The following DZIP1L variants were observed in gnomAD, a reference collection of about 807,000 sequenced individuals.
DZIP1L encodes cilium assembly protein DZIP1L.
DZIP1L carries 90 observed loss-of-function variants against 88.7 expected under a neutral mutation model. That is an observed-to-expected ratio of 1.02 (90% confidence interval 0.86 to 1.21). The LOEUF is 1.21. DZIP1L is among the 50% of genes most tolerant of loss of function. DZIP1L has a pLI of 0.00. For synonymous variants in DZIP1L, 363 were observed against 372.1 expected, an observed-to-expected ratio of 0.98 and a Z score of 0.28; for missense variants, 932 against 955.8, an observed-to-expected ratio of 0.98 and a Z score of 0.33.
At chr3:138,105,793 GA>G (rs2107857119) in intron 1 of DZIP1L, among the ~76,000 whole-genome samples, 1 of 151,956 alleles carries the variant, frequency 6.6e-6, no homozygotes, top group South Asian at 2.1e-4. Context: ...GTTTTATAAT[GA>G]ATAAAATATG....
intron 1 of DZIP1L, among the ~76,000 whole-genome samples, chr3:138,106,896 G>C (rs2107863180): frequency 6.6e-6 from 1 of 151,510 alleles, no homozygotes; most frequent in Non-Finnish European, 1.5e-5. Flanking sequence ...AAGAGAGAGA[G>C]AGAAGGGCCT....
intron 2 of DZIP1L, 150 bp from the exon 3 acceptor site, chr3:138,097,997 G>T: frequency 1.6e-6 from 1 of 644,860 alleles, no homozygotes; most frequent in Non-Finnish European, 2.7e-6. Context: ...AATGATGTCA[G>T]CCCATGCTGC....
chr3:138,108,135 C>T, intron 1 of DZIP1L: 1 of 945,750 alleles, frequency 1.1e-6, no homozygotes, highest in East Asian at 1.2e-4. Context: ...AGGTGCCCGC[C>T]ACCATGCCTG....
Position 138,082,697 on chromosome 3 carries a change from C to T in DZIP1L, c.1204-933G>A, listed in dbSNP as rs555270605. Among the ~76,000 whole-genome samples the T allele has an allele frequency of 5.3e-5, 8 of 152,356 alleles. No individual in the cohort carries two copies. In the East Asian group the frequency reaches 1.5e-3, roughly 29 times the overall value. On this transcript the variant is annotated intron_variant, in intron 8 of 15. Coordinates refer to ENST00000327532, the MANE Select transcript of DZIP1L (RefSeq NM_173543.3). ...TGGCACATGCTGACATATGACTCAT[C>T]CAGTATCCATTCCCCACTGCTGTCT...
chr3:138,064,738 G>A lies in DZIP1L; in HGVS notation c.2032C>T (p.Leu678=), dbSNP rs148421355. 5.0e-6 allele frequency: 8 copies of A among 1,599,638 alleles called. No homozygotes were observed. Among genetic ancestry groups the A allele is most frequent in the Non-Finnish European group, 6.8e-6 (8 of 1,174,452 alleles). The change falls in exon 15 of 16, where the codon CTG becomes TTG. Residue 678 remains leucine (L), a synonymous_variant. Transcript: ENST00000327532. The part of the protein sequence containing the change: ...GTLVQSMVKN[L]EKQLEAPAKK... ...GCTGGAGCTTCTAGCTGCTTCTCCAGGTTTTTGACCATCGACTGCACCAGT... is the reference window on the plus strand; with the variant it reads ...GCTGGAGCTTCTAGCTGCTTCTCCAAGTTTTTGACCATCGACTGCACCAGT...
At chr3:138,083,761 T>C (rs1943783342) in intron 8 of DZIP1L, among the ~76,000 whole-genome samples, 1 of 152,212 alleles carries the variant, frequency 6.6e-6, no homozygotes, top group African/African-American at 2.4e-5. Flanking sequence ...TATTTCACCA[T>C]CTGTCGAATG....
At chr3:138,101,935 TCTGGCCTTTGAG>T in intron 2 of DZIP1L, 1 of 1,499,926 alleles carries the variant, frequency 6.7e-7, no homozygotes, top group Non-Finnish European at 9.3e-7. Context: ...TGCGATGCCC[TCTGGCCTTTGAG>T]GCCCTCAATC....
chr3:138,090,675 C>A (rs981809609), intron 5 of DZIP1L, among the ~76,000 whole-genome samples: 2 of 152,012 alleles, frequency 1.3e-5, no homozygotes, highest in Non-Finnish European at 2.9e-5. Flanking sequence ...AGGCATATGA[C>A]AATTTCCTTT....
chr3:138,087,996 CT>C (rs1442351289), intron 6 of DZIP1L, among the ~76,000 whole-genome samples: 1 of 152,156 alleles, frequency 6.6e-6, no homozygotes, highest in African/African-American at 2.4e-5. Context: ...CAAATTAAAG[CT>C]TTTTTAATTC....
chr3:138,085,786 T>G (rs1172229706), intron 7 of DZIP1L, among the ~76,000 whole-genome samples: 1 of 152,218 alleles, frequency 6.6e-6, no homozygotes, highest in Non-Finnish European at 1.5e-5. Flanking sequence ...TAAATCATGC[T>G]GCTATAAAGA....
intron 5 of DZIP1L, among the ~76,000 whole-genome samples, chr3:138,089,582 T>G (rs749546254): frequency 6.0e-4 from 91 of 152,280 alleles, no homozygotes; most frequent in Non-Finnish European, 1.1e-3. Flanking sequence ...CTTCCTAACA[T>G]CAGGAAGAAT....
Position 138,094,989 on chromosome 3 carries a change from G to A in DZIP1L, c.587-6C>T. 6.2e-7 allele frequency: 1 copy of A among 1,614,150 alleles called. No homozygotes were observed. On this transcript the variant is annotated splice_region_variant and splice_polypyrimidine_tract_variant and intron_variant, in intron 3 of 15. Transcript: ENST00000327532. ...TTCCTGTTTCTTCTGTTTTCCTGTG[G>A]GGTCCACGCAAAGACAGGTGACCAG...
At chr3:138,066,553 A>G (rs887876006) in intron 14 of DZIP1L, among the ~76,000 whole-genome samples, 1 of 152,112 alleles carries the variant, frequency 6.6e-6, no homozygotes, top group Non-Finnish European at 1.5e-5. Context: ...CATAATGTCT[A>G]TGAGGCTTAG....
rs1319671983 is a variant in DZIP1L at position 138,068,149 on chromosome 3, A to T, written c.1832+2T>A. ...GGTGAGAGGGCAGAGTCTGGGGCTC[A>T]CCTCATCCCGGGCCCCGAGGAAGGA... On this transcript the variant is annotated splice_donor_variant, in intron 13 of 15. Coordinates refer to ENST00000327532, the MANE Select transcript of DZIP1L (RefSeq NM_173543.3). LOFTEE classifies it high-confidence loss of function. The T allele has an allele frequency of 6.7e-7, 1 of 1,497,426 alleles. No homozygotes were observed. The highest frequency in any genetic ancestry group is 2.2e-5 in the Admixed American group (1 of 45,838). 92.8% of individuals were successfully genotyped at this position (1,497,426 alleles called of 1,614,324 possible).
chr3:138,111,812 T>C (rs1237900386), intron 1 of DZIP1L, among the ~76,000 whole-genome samples: 1 of 151,966 alleles, frequency 6.6e-6, no homozygotes, highest in Non-Finnish European at 1.5e-5. Context: ...CTGGCCAACA[T>C]GGTGAAACCC....
At chr3:138,096,289 A>G (rs1366495293) in intron 3 of DZIP1L, among the ~76,000 whole-genome samples, 1 of 152,220 alleles carries the variant, frequency 6.6e-6, no homozygotes, top group African/African-American at 2.4e-5. Flanking sequence ...TTAAGGAAAT[A>G]AGAGATATGC....
chr3:138,072,197 A>C (rs1202797911), intron 11 of DZIP1L, among the ~76,000 whole-genome samples: 1 of 152,196 alleles, frequency 6.6e-6, no homozygotes, highest in South Asian at 2.1e-4. Flanking sequence ...TTGTACTCCC[A>C]ATTACTATTA....
At chr3:138,111,419 C>T (rs1026256400) in intron 1 of DZIP1L, among the ~76,000 whole-genome samples, 3 of 152,214 alleles carry the variant, frequency 2.0e-5, no homozygotes, top group African/African-American at 7.2e-5. Flanking sequence ...GCAGGAGTCC[C>T]GGCAGGTGGA....
intron 1 of DZIP1L, among the ~76,000 whole-genome samples, chr3:138,108,526 A>G (rs1306697556): frequency 6.6e-6 from 1 of 152,056 alleles, no homozygotes; most frequent in Non-Finnish European, 1.5e-5. Context: ...CTTTTATGAC[A>G]GGGTGTGCCA....
Sources: allele counts gnomAD v4.1 joint callset (sites outside exome capture counted in the v4.1 genomes callset), GRCh38; gene constraint gnomAD v4.1.1; transcripts MANE v1.5; gene names NCBI Gene and HGNC (gene_info 2026-07-23, HGNC 2026-07-21).